Variants in GRIP1 observed in about 807,000 individuals in gnomAD.
GRIP1 encodes the protein glutamate receptor-interacting protein 1.
GRIP1 carries 45 observed loss-of-function variants against 129.9 expected under a neutral mutation model. The ratio of observed to expected loss-of-function variants is 0.35; its 90% CI spans 0.27 to 0.44. GRIP1 has a LOEUF of 0.44. Ranked by LOEUF, GRIP1 falls within the 20% of genes least tolerant of loss-of-function variation. The pLI is 1.00. For missense variants in GRIP1, 1,196 were observed against 1,396.8 expected (o/e 0.86, Z 2.29); for synonymous variants, 530 against 520.8 (o/e 1.02, Z -0.24).
intron 1 of GRIP1, among the ~76,000 whole-genome samples, chr12:66,841,098 T>C (rs568415974): frequency 6.6e-6 from 1 of 152,354 alleles, no homozygotes; most frequent in Non-Finnish European, 1.5e-5. Flanking sequence ...ACATCCCATA[T>C]TTTTATCTGC....
intron 8 of GRIP1, among the ~76,000 whole-genome samples, chr12:66,464,937 T>C (rs1007153304): frequency 4.5e-5 from 4 of 88,406 alleles, no homozygotes; most frequent in African/African-American, 2.5e-4. Context: ...AGGGGCACTT[T>C]CTTTCTTTCT....
At chr12:66,610,407 C>T (rs928003237) in intron 1 of GRIP1, among the ~76,000 whole-genome samples, 1 of 152,034 alleles carries the variant, frequency 6.6e-6, no homozygotes, top group African/African-American at 2.4e-5. Context: ...GACATCCCTC[C>T]TCTCCTATCC....
At chr12:66,942,811 C>A (rs1483493869) in intron 1 of GRIP1, among the ~76,000 whole-genome samples, 2 of 152,172 alleles carry the variant, frequency 1.3e-5, no homozygotes, top group African/African-American at 4.8e-5. Flanking sequence ...GTGATTAGGT[C>A]ATGAGAGTAG....
chr12:66,424,041 ACTCGTCACTTGTAT>A (rs2137873418), intron 14 of GRIP1, among the ~76,000 whole-genome samples: 1 of 152,080 alleles, frequency 6.6e-6, no homozygotes, highest in Non-Finnish European at 1.5e-5. Flanking sequence ...TTTAATTCAA[ACTCGTCACTTGTAT>A]CTCCAATGCA....
intron 1 of GRIP1, among the ~76,000 whole-genome samples, chr12:66,832,907 CT>C (rs1379621401): frequency 1.3e-5 from 2 of 152,160 alleles, no homozygotes; most frequent in African/African-American, 2.4e-5. Context: ...ACCCATGATC[CT>C]AGCAACATGA....
chr12:66,618,587 A>G (rs1454207445), intron 1 of GRIP1, among the ~76,000 whole-genome samples: 8 of 152,166 alleles, frequency 5.3e-5, no homozygotes, highest in Admixed American at 5.2e-4. Context: ...AATTTTCCAA[A>G]AACATATTGC....
intron 7 of GRIP1, among the ~76,000 whole-genome samples, chr12:66,507,822 G>A (rs1592451802): frequency 6.6e-6 from 1 of 151,522 alleles, no homozygotes; most frequent in East Asian, 1.9e-4. Flanking sequence ...CCATTCTGGA[G>A]TGCAGTGGTG....
At chr12:66,510,140 AC>A (rs1379360729) in intron 7 of GRIP1, among the ~76,000 whole-genome samples, 1 of 152,176 alleles carries the variant, frequency 6.6e-6, no homozygotes, top group African/African-American at 2.4e-5. Flanking sequence ...GCCAAGCACC[AC>A]ATATGCATTA....
At chr12:66,836,784 T>A (rs1467277282) in intron 1 of GRIP1, among the ~76,000 whole-genome samples, 1 of 152,322 alleles carries the variant, frequency 6.6e-6, no homozygotes, top group East Asian at 1.9e-4. Context: ...CTATCATTAA[T>A]AGGCCTCATT....
intron 1 of GRIP1, among the ~76,000 whole-genome samples, chr12:66,789,674 G>A (rs986555953): frequency 6.6e-6 from 1 of 151,896 alleles, no homozygotes; most frequent in Non-Finnish European, 1.5e-5. Flanking sequence ...TTTGAAATTT[G>A]TATTCTAAAC....
intron 2 of GRIP1, among the ~76,000 whole-genome samples, chr12:66,586,243 T>C (rs576136333): frequency 6.6e-6 from 1 of 152,168 alleles, no homozygotes; most frequent in African/African-American, 2.4e-5. Flanking sequence ...AAACCTCTCT[T>C]CTTATAGAAT....
chr12:66,764,701 C>T (rs1187395132), intron 1 of GRIP1, among the ~76,000 whole-genome samples: 2 of 152,132 alleles, frequency 1.3e-5, no homozygotes, highest in South Asian at 2.1e-4. Flanking sequence ...TGTGTTTTCT[C>T]TCCCTTTTTC....
intron 7 of GRIP1, among the ~76,000 whole-genome samples, chr12:66,510,583 C>T (rs1419502481): frequency 6.6e-6 from 1 of 152,072 alleles, no homozygotes; most frequent in African/African-American, 2.4e-5. Context: ...TTTTCTCAGT[C>T]TTCCTTATTT....
chr12:66,839,767 T>G lies in GRIP1; in HGVS notation c.58+229283A>C, dbSNP rs1233805079. On this transcript the variant is annotated intron_variant, in intron 1 of 1. Transcript: ENST00000643019. ...ATCCTACCTGGTCAGTCTGGGAGGG[T>G]GGACAAAGAGTTCAGCTCAACAAGT... 2.0e-5 allele frequency among the ~76,000 whole-genome samples: 3 copies of G among 152,136 alleles called. No homozygotes were observed. In the South Asian group the frequency reaches 6.2e-4, roughly 31 times the overall value.
chr12:66,793,648 C>T (rs185819320), intron 1 of GRIP1, among the ~76,000 whole-genome samples: 20 of 152,254 alleles, frequency 1.3e-4, no homozygotes, highest in Admixed American at 1.3e-3. Context: ...CAAGCTGACT[C>T]AGGAGTTTAT....
At chr12:66,609,715 A>G (rs1446777239) in intron 1 of GRIP1, among the ~76,000 whole-genome samples, 1 of 152,194 alleles carries the variant, frequency 6.6e-6, no homozygotes, top group African/African-American at 2.4e-5. Context: ...TCAATTCCAC[A>G]AAATGTGATT....
chr12:67,008,758 G>T (rs1395309144), intron 1 of GRIP1, among the ~76,000 whole-genome samples: 2 of 152,140 alleles, frequency 1.3e-5, no homozygotes, highest in African/African-American at 4.8e-5. Context: ...AGAAACTATA[G>T]ATGCTATTAA....
At chr12:66,575,959 T>C (rs969494305) in intron 2 of GRIP1, among the ~76,000 whole-genome samples, 21 of 152,162 alleles carry the variant, frequency 1.4e-4, no homozygotes, top group Admixed American at 1.4e-3. Flanking sequence ...TAGAGTCAGA[T>C]AAAGTTAAGC....
chr12:66,479,843 G>GA (rs200840760), intron 7 of GRIP1, among the ~76,000 whole-genome samples: 40,210 of 151,970 alleles, frequency 0.26, 5,523 homozygotes, highest in Middle Eastern at 0.43. Flanking sequence ...AATAGATGTA[G>GA]AAAAGGCCTT....
Sources: gnomAD v4.1 joint callset for allele counts (sites outside exome capture counted in the v4.1 genomes callset) on GRCh38, gnomAD v4.1.1 for gene constraint, MANE v1.5 for transcripts, NCBI Gene and HGNC (gene_info 2026-07-23, HGNC 2026-07-21) for gene names.